POTEJ: variants seen among roughly 807,000 people sequenced by gnomAD.
POTEJ encodes the protein POTE ankyrin domain family, member J.
POTEJ carries 11 observed loss-of-function variants against 69.0 expected under a neutral mutation model. The observed-to-expected ratio is 0.16, with a 90% CI of 0.10 to 0.26. The LOEUF (loss-of-function observed/expected upper bound fraction) is 0.26. Among genes scored for constraint, POTEJ ranks in the 10% least tolerant of loss-of-function variants. The pLI is 1.00. For missense variants in POTEJ, 327 were observed against 1,045.5 expected (o/e 0.31, Z 9.48); for synonymous variants, 117 against 381.1 (o/e 0.31, Z 8.07).
intron 10 of POTEJ, among the ~76,000 whole-genome samples, chr2:130,639,488 G>A (rs1686254918): frequency 6.6e-6 from 1 of 152,298 alleles, no homozygotes; most frequent in Admixed American, 6.5e-5. Flanking sequence ...AAGGTGCTCT[G>A]CTACCATTTG....
chr2:130,634,903 G>A (rs1181275150), intron 9 of POTEJ, among the ~76,000 whole-genome samples: 42 of 152,306 alleles, frequency 2.8e-4, no homozygotes, highest in Admixed American at 1.1e-3. Context: ...TTTTCCTCAA[G>A]ATTATCACAA....
chr2:130,632,864 T>C (rs1383007409), intron 9 of POTEJ, among the ~76,000 whole-genome samples: 4 of 145,440 alleles, frequency 2.8e-5, no homozygotes, highest in Non-Finnish European at 6.0e-5. Context: ...TTGGCAAATG[T>C]GAGGGAAAAG....
At chr2:130,636,789 C>T (rs1558925834) in intron 9 of POTEJ, among the ~76,000 whole-genome samples, 1 of 148,046 alleles carries the variant, frequency 6.8e-6, no homozygotes, top group Non-Finnish European at 1.5e-5. Flanking sequence ...GATTGATTCT[C>T]ACTTTAAAAA....
At chr2:130,643,365 A>G (rs1434649961) in intron 10 of POTEJ, among the ~76,000 whole-genome samples, 1 of 126,948 alleles carries the variant, frequency 7.9e-6, no homozygotes, top group South Asian at 2.5e-4. Context: ...CTAAAAATAC[A>G]AAAATCAGCT....
At chr2:130,618,675 A>G (rs1180010809) in intron 3 of POTEJ, among the ~76,000 whole-genome samples, 2 of 140,972 alleles carry the variant, frequency 1.4e-5, no homozygotes, top group African/African-American at 5.7e-5. Context: ...TAAATGTAAT[A>G]TGTAAATTCT....
At chr2:130,631,950 TG>T (rs1324373157) in intron 8 of POTEJ, among the ~76,000 whole-genome samples, 1 of 143,466 alleles carries the variant, frequency 7.0e-6, no homozygotes, top group Non-Finnish European at 1.5e-5. Flanking sequence ...ATCATGTTTT[TG>T]ATATCTCAGC....
At chr2:130,625,086 G>T (rs1486893615) in intron 6 of POTEJ, among the ~76,000 whole-genome samples, 2 of 152,182 alleles carry the variant, frequency 1.3e-5, no homozygotes, top group Admixed American at 6.5e-5. Flanking sequence ...AGTCCAAACT[G>T]TATGAGGACA....
intron 1 of POTEJ, among the ~76,000 whole-genome samples, chr2:130,613,462 T>C (rs1231645767): frequency 7.0e-6 from 1 of 142,252 alleles, no homozygotes; most frequent in Admixed American, 7.0e-5. Flanking sequence ...AGTGCAGTGG[T>C]GTGATCTCGG....
At chr2:130,613,275 CAT>C (rs1558915478) in intron 1 of POTEJ, among the ~76,000 whole-genome samples, 2 of 54,094 alleles carry the variant, frequency 3.7e-5, no homozygotes, top group Non-Finnish European at 6.0e-5. Flanking sequence ...CATATATATA[CAT>C]ATGTATATAT....
At chr2:130,656,515 G>C (rs1216060054) in intron 14 of POTEJ, 34 bp from the exon 15 acceptor site, 5 of 1,598,312 alleles carry the variant, frequency 3.1e-6, no homozygotes, top group Admixed American at 1.7e-5. Context: ...TCAATCTATT[G>C]AGTGCTAACT....
At chr2:130,632,461 TG>T (rs779291185) in intron 8 of POTEJ, 28 bp from the exon 9 acceptor site, 1 of 594,950 alleles carries the variant, frequency 1.7e-6, no homozygotes, top group South Asian at 2.3e-5. Context: ...TTCAATAAAG[TG>T]ATAACTATCC....
chr2:130,612,490 G>T (rs1685245410), intron 1 of POTEJ, among the ~76,000 whole-genome samples: 1 of 152,258 alleles, frequency 6.6e-6, no homozygotes, highest in Non-Finnish European at 1.5e-5. Context: ...TTTTTGGCTG[G>T]GCGCGGTGGC....
chr2:130,627,002 G>C (rs1252200617), intron 6 of POTEJ, among the ~76,000 whole-genome samples: 1 of 152,152 alleles, frequency 6.6e-6, no homozygotes, highest in Non-Finnish European at 1.5e-5. Context: ...TCGTCAATAT[G>C]ATTTAGTAAT....
At chr2:130,613,251 TATACAC>T (rs1289521303) in intron 1 of POTEJ, among the ~76,000 whole-genome samples, 3 of 126,794 alleles carry the variant, frequency 2.4e-5, no homozygotes, top group South Asian at 4.7e-4. Flanking sequence ...TATACATATA[TATACAC>T]ATATATACAT....
rs1685614048 is a variant in POTEJ at position 130,623,968 on chromosome 2, G to T, written c.945-96G>T. On this transcript the variant is annotated intron_variant, in intron 5 of 14. Transcript: ENST00000409602. ...TAATACTATTAAGTTCTGATATTCT[G>T]ATATTGTTTGAAATACTCTTAATAA... is the stretch of plus-strand genomic sequence containing the variant. 2 of 1,249,686 alleles carry T rather than the reference G, an allele frequency of 1.6e-6. 1 individual carries two copies. Among genetic ancestry groups the T allele is most frequent in the African/African-American group, 3.9e-5 (2 of 51,402 alleles). 77.4% of individuals were successfully genotyped at this position (1,249,686 alleles called of 1,614,324 possible).
chr2:130,639,229 T>C (rs71236642), intron 10 of POTEJ, among the ~76,000 whole-genome samples: 8 of 151,410 alleles, frequency 5.3e-5, no homozygotes, highest in Admixed American at 3.3e-4. Context: ...GTCTGTGGCC[T>C]GGGAGTTGTG....
intron 5 of POTEJ, among the ~76,000 whole-genome samples, chr2:130,622,538 G>C (rs1225875578): frequency 1.5e-5 from 2 of 132,446 alleles, no homozygotes; most frequent in Non-Finnish European, 3.2e-5. Flanking sequence ...TACCAGATCT[G>C]TACTGTGAGG....
intron 1 of POTEJ, among the ~76,000 whole-genome samples, chr2:130,613,402 A>ATATATG (rs1348220125): frequency 2.8e-5 from 4 of 141,842 alleles, no homozygotes; most frequent in Admixed American, 7.3e-5. Flanking sequence ...ATATATATAT[A>ATATATG]TATATATACT....
intron 13 of POTEJ, among the ~76,000 whole-genome samples, chr2:130,648,266 C>A (rs1187600225): frequency 1.4e-4 from 21 of 146,546 alleles, no homozygotes; most frequent in Non-Finnish European, 1.4e-4. Context: ...TTTTTATAAC[C>A]TTTAGAATAT....
Sources: allele counts gnomAD v4.1 joint callset (sites outside exome capture counted in the v4.1 genomes callset), GRCh38; gene constraint gnomAD v4.1.1; transcripts MANE v1.5; gene names NCBI Gene and HGNC (gene_info 2026-07-23, HGNC 2026-07-21).